Variants in AOPEP observed in about 807,000 individuals in gnomAD.
AOPEP encodes aminopeptidase O.
Under a neutral mutation model 98.1 loss-of-function variants are expected in AOPEP, and 77 were observed. That is an observed-to-expected ratio of 0.78 (90% confidence interval 0.65 to 0.95). The LOEUF is 0.95. Ranked by LOEUF, AOPEP falls within the 40% of genes least tolerant of loss-of-function variation. The pLI is 0.00. For missense variants in AOPEP, 1,024 were observed against 1,024.7 expected, an observed-to-expected ratio of 1.00 and a Z score of 0.01; for synonymous variants, 346 against 365.3, an observed-to-expected ratio of 0.95 and a Z score of 0.60.
chr9:95,009,622 G>T (rs1238301086), intron 13 of AOPEP, among the ~76,000 whole-genome samples: 1 of 152,210 alleles, frequency 6.6e-6, no homozygotes, highest in African/African-American at 2.4e-5. Flanking sequence ...GCGTTTCCAA[G>T]CGAGTGGTCT....
chr9:94,876,657 A>G (rs1051466365), intron 5 of AOPEP, among the ~76,000 whole-genome samples: 1 of 151,982 alleles, frequency 6.6e-6, no homozygotes, highest in African/African-American at 2.4e-5. Context: ...GAACCACTGC[A>G]CCTAGCCGTG....
intron 14 of AOPEP, chr9:95,065,594 C>G (rs1457893278): frequency 6.6e-6 from 1 of 152,280 alleles, no homozygotes; most frequent in Non-Finnish European, 1.5e-5. Flanking sequence ...CATTGTGGAA[C>G]AGAGCCCTAC....
intron 5 of AOPEP, among the ~76,000 whole-genome samples, chr9:94,844,614 G>A (rs1025084471): frequency 6.6e-6 from 1 of 152,164 alleles, no homozygotes; most frequent in South Asian, 2.1e-4. Flanking sequence ...AACTGTAACT[G>A]TGTACCCACT....
At chr9:95,146,850 G>GA in the AOPEP span, among the ~76,000 whole-genome samples, 2 of 151,938 alleles carry the variant, frequency 1.3e-5, no homozygotes, top group South Asian at 2.1e-4. Flanking sequence ...TGCGTTAAAA[G>GA]AAAAAATCAT....
At chr9:94,987,215 G>T (rs926558485) in intron 11 of AOPEP, among the ~76,000 whole-genome samples, 2 of 152,236 alleles carry the variant, frequency 1.3e-5, no homozygotes, top group African/African-American at 2.4e-5. Flanking sequence ...AATAACTGAC[G>T]TAAGGCAGAA....
chr9:94,908,303 TTG>T (rs2051471302), intron 5 of AOPEP, among the ~76,000 whole-genome samples: 1 of 152,162 alleles, frequency 6.6e-6, no homozygotes, highest in Non-Finnish European at 1.5e-5. Context: ...AGAGAGAGCT[TTG>T]GTCCAGTCTC....
At chr9:95,096,594 G>A in the AOPEP span, among the ~76,000 whole-genome samples, 7 of 152,282 alleles carry the variant, frequency 4.6e-5, no homozygotes, top group South Asian at 2.1e-4. Context: ...GTGAAGCCAC[G>A]GGCAGGACAG....
At chr9:94,728,239 G>GCGCGCGCGCGCGCGCGCA (rs113657409) in intron 1 of AOPEP, among the ~76,000 whole-genome samples, 4 of 146,512 alleles carry the variant, frequency 2.7e-5, no homozygotes, top group Non-Finnish European at 4.5e-5. Flanking sequence ...GTGCGCGCAT[G>GCGCGCGCGCGCGCGCGCA]CACACACACA....
chr9:95,039,236 A>G (rs2065086477), intron 13 of AOPEP, among the ~76,000 whole-genome samples: 1 of 152,166 alleles, frequency 6.6e-6, no homozygotes, highest in Non-Finnish European at 1.5e-5. Flanking sequence ...TATTGTGGGC[A>G]TGAGAAAAAT....
At chr9:94,860,320 G>T (rs1360762608) in intron 5 of AOPEP, among the ~76,000 whole-genome samples, 1 of 149,848 alleles carries the variant, frequency 6.7e-6, no homozygotes, top group African/African-American at 2.4e-5. Flanking sequence ...AAGGGCGTCA[G>T]ACCAAGCAGG....
At chr9:95,134,247 G>A in the AOPEP span, among the ~76,000 whole-genome samples, 1 of 152,180 alleles carries the variant, frequency 6.6e-6, no homozygotes, top group Admixed American at 6.5e-5. Flanking sequence ...CCCTTAGACA[G>A]TCTCCAACTA....
Position 94,792,822 on chromosome 9 carries a change from T to A in AOPEP, c.1022T>A (p.Ile341Asn). The A allele has an allele frequency of 6.2e-7, 1 of 1,613,718 alleles. No homozygotes were observed. Among genetic ancestry groups the A allele is most frequent in the Non-Finnish European group, 8.5e-7 (1 of 1,179,740 alleles). ...CCAATGCCAGCCTCCACCTTCACAA[T>A]TGCAGTGGGATGCTGGACAGAAATG... Reference protein sequence around the residue: ...TMPMPASTFTIAVGCWTEMKM... With the variant: ...TMPMPASTFTNAVGCWTEMKM... The change falls in exon 4 of 17, where the codon ATT becomes AAT. Residue 341 changes from isoleucine to asparagine, a missense_variant. Physicochemically the swap from Ile to Asn is moderately radical, Grantham distance 149. Coordinates refer to ENST00000375315, the MANE Select transcript of AOPEP (RefSeq NM_001193329.3).
intron 5 of AOPEP, among the ~76,000 whole-genome samples, chr9:94,875,634 C>T (rs1039151376): frequency 4.6e-5 from 7 of 152,172 alleles, no homozygotes; most frequent in African/African-American, 9.6e-5. Context: ...TCCTCAGTTA[C>T]GTTTTCAGTT....
chr9:94,753,789 C>T (rs1316667746), intron 1 of AOPEP, among the ~76,000 whole-genome samples: 1 of 152,040 alleles, frequency 6.6e-6, no homozygotes, highest in African/African-American at 2.4e-5. Flanking sequence ...AAAAGCAAAC[C>T]AAAAGAAAGT....
At chr9:95,101,123 G>A in the AOPEP span, 9 of 239,618 alleles carry the variant, frequency 3.8e-5, no homozygotes, top group Middle Eastern at 1.2e-3. Context: ...AGAGTGTGCC[G>A]GAGGCCCGGG....
intron 5 of AOPEP, among the ~76,000 whole-genome samples, chr9:94,837,698 A>G (rs1054175318): frequency 5.3e-5 from 8 of 152,254 alleles, no homozygotes; most frequent in African/African-American, 1.7e-4. Flanking sequence ...AGCATTTGAC[A>G]AAATCCAGCA....
chr9:95,124,491 C>A, the AOPEP span, among the ~76,000 whole-genome samples: 1 of 152,126 alleles, frequency 6.6e-6, no homozygotes, highest in Admixed American at 6.6e-5. Flanking sequence ...CTGCAGGGTG[C>A]GGGCCTGGCC....
chr9:95,050,874 C>G (rs923327382), intron 13 of AOPEP, among the ~76,000 whole-genome samples: 1 of 152,126 alleles, frequency 6.6e-6, no homozygotes, highest in Non-Finnish European at 1.5e-5. Context: ...TTAGTGTTTC[C>G]GACTCCAGAA....
the AOPEP span, among the ~76,000 whole-genome samples, chr9:95,129,077 A>G: frequency 6.6e-6 from 1 of 151,814 alleles, no homozygotes; most frequent in Non-Finnish European, 1.5e-5. Context: ...TAATTTTTGT[A>G]TTTTTAGTAG....
Sources: gnomAD v4.1 joint callset for allele counts (sites outside exome capture counted in the v4.1 genomes callset) on GRCh38, gnomAD v4.1.1 for gene constraint, MANE v1.5 for transcripts, NCBI Gene and HGNC (gene_info 2026-07-23, HGNC 2026-07-21) for gene names.